The following RASGRP3 variants were observed in gnomAD, a reference collection of about 807,000 sequenced individuals.
RASGRP3 encodes ras guanyl-releasing protein 3.
A neutral mutation model predicts 82.7 loss-of-function variants in RASGRP3; 54 were observed. The observed-to-expected ratio is 0.65, with a 90% CI of 0.52 to 0.82. The LOEUF is 0.82. RASGRP3 is among the 40% of genes least tolerant of loss of function. The pLI, the probability that RASGRP3 is intolerant of heterozygous loss-of-function variation, is 0.00. For synonymous variants in RASGRP3, 309 were observed against 300.5 expected (o/e 1.03, Z -0.29); for missense variants, 861 against 828.9 (o/e 1.04, Z -0.48).
At chr2:33,557,973 T>C (rs374384011) in intron 15 of RASGRP3, among the ~76,000 whole-genome samples, 127 of 152,194 alleles carry the variant, frequency 8.3e-4, no homozygotes, top group Middle Eastern at 3.4e-3. Flanking sequence ...AGGTCCTCAA[T>C]TGCATACAGA....
intron 1 of RASGRP3, among the ~76,000 whole-genome samples, chr2:33,507,585 G>A (rs183361419): frequency 1.1e-4 from 17 of 152,334 alleles, no homozygotes; most frequent in Middle Eastern, 3.4e-3. Flanking sequence ...GAGTGCAGTA[G>A]CAGGATCTCG....
At chr2:33,527,634 C>G (rs1418756396) in intron 10 of RASGRP3, among the ~76,000 whole-genome samples, 1 of 152,174 alleles carries the variant, frequency 6.6e-6, no homozygotes, top group Non-Finnish European at 1.5e-5. Flanking sequence ...TTCGGAGGGG[C>G]CCAGTCTCTG....
intron 2 of RASGRP3, among the ~76,000 whole-genome samples, chr2:33,469,033 T>C (rs1666890071): frequency 9.5e-6 from 1 of 105,534 alleles, no homozygotes; most frequent in African/African-American, 3.0e-5. Context: ...ATTTTCGTTT[T>C]TTCATCTTTG....
Position 33,558,343 on chromosome 2 carries a change from C to T in RASGRP3, c.1705+7C>T. 6.2e-7 allele frequency: 1 copy of T among 1,612,984 alleles called. No homozygotes were observed. The highest frequency in any genetic ancestry group is 8.5e-7 in the Non-Finnish European group (1 of 1,179,876). ...AGCCCCTCGCTGCCCCCAGGTAATG[C>T]CCTCTGCTTTCTTTGCTGCCATGGT... On this transcript the variant is annotated splice_region_variant and intron_variant, in intron 16 of 17. Coordinates refer to ENST00000403687, the MANE Select transcript of RASGRP3 (RefSeq NM_001139488.2).
intron 10 of RASGRP3, chr2:33,534,098 A>G: frequency 1.9e-6 from 1 of 538,364 alleles, no homozygotes. Context: ...AATATTGCTG[A>G]GGAATTGAGT....
intron 1 of RASGRP3, among the ~76,000 whole-genome samples, chr2:33,495,188 C>T (rs1669196616): frequency 6.6e-6 from 1 of 152,144 alleles, no homozygotes; most frequent in Non-Finnish European, 1.5e-5. Context: ...GTGCAGATGT[C>T]TACAGCAGCA....
intron 1 of RASGRP3, among the ~76,000 whole-genome samples, chr2:33,492,466 C>G (rs1042145321): frequency 6.6e-6 from 1 of 152,110 alleles, no homozygotes; most frequent in Non-Finnish European, 1.5e-5. Flanking sequence ...TTTGTACCCC[C>G]CAGCATCCAT....
chr2:33,441,724 T>C (rs1665236051), intron 1 of RASGRP3, among the ~76,000 whole-genome samples: 1 of 152,282 alleles, frequency 6.6e-6, no homozygotes, highest in South Asian at 2.1e-4. Flanking sequence ...CATACGTGCC[T>C]TTTTATTAAG....
At chr2:33,453,235 G>A (rs1475288676) in intron 2 of RASGRP3, among the ~76,000 whole-genome samples, 1 of 152,202 alleles carries the variant, frequency 6.6e-6, no homozygotes, top group African/African-American at 2.4e-5. Flanking sequence ...GCTTCCAGCT[G>A]AAGACGGGCT....
intron 16 of RASGRP3, 42 bp from the exon 17 acceptor site, chr2:33,558,630 G>C: frequency 6.7e-7 from 1 of 1,496,178 alleles, no homozygotes; most frequent in Non-Finnish European, 9.1e-7. Flanking sequence ...TTGCTGTCAA[G>C]CAGTCAGATG....
intron 1 of RASGRP3, among the ~76,000 whole-genome samples, chr2:33,498,668 C>T (rs1265521127): frequency 6.6e-6 from 1 of 152,164 alleles, no homozygotes; most frequent in African/African-American, 2.4e-5. Flanking sequence ...TCTTCAGTGC[C>T]ATTTTCTCTG....
intron 1 of RASGRP3, among the ~76,000 whole-genome samples, chr2:33,439,116 T>C (rs1665083373): frequency 6.6e-6 from 1 of 152,200 alleles, no homozygotes; most frequent in African/African-American, 2.4e-5. Context: ...TCTCCTACTG[T>C]CTCATCCTGT....
intron 11 of RASGRP3, among the ~76,000 whole-genome samples, chr2:33,536,322 GAAAA>G (rs35520392): frequency 7.8e-6 from 1 of 127,754 alleles, no homozygotes; most frequent in African/African-American, 3.0e-5. Context: ...ATTTAAAAAA[GAAAA>G]AAAAAAAAAA....
intron 17 of RASGRP3, 37 bp downstream of exon 17, chr2:33,559,067 A>G (rs755136391): frequency 6.7e-7 from 1 of 1,503,610 alleles, no homozygotes; most frequent in Non-Finnish European, 8.9e-7. Flanking sequence ...AAACCAGAAG[A>G]AGGAGGCTGA....
At chr2:33,461,522 C>T (rs1180600751) in intron 2 of RASGRP3, among the ~76,000 whole-genome samples, 1 of 152,244 alleles carries the variant, frequency 6.6e-6, no homozygotes, top group Non-Finnish European at 1.5e-5. Flanking sequence ...AAGTGATCCA[C>T]CTGCCTTGGC....
chr2:33,474,242 G>A (rs1416849117), upstream of RASGRP3, among the ~76,000 whole-genome samples: 1 of 152,180 alleles, frequency 6.6e-6, no homozygotes, highest in Non-Finnish European at 1.5e-5. Context: ...GGTGGAGCCT[G>A]GTGGGAAGTG....
At position 33,540,957 on chromosome 2, in the gene RASGRP3, C is replaced by T. The variant is rs143389913; in HGVS notation, c.1278+1747C>T. On this transcript the variant is annotated intron_variant, in intron 12 of 17. Coordinates refer to ENST00000403687, the MANE Select transcript of RASGRP3 (RefSeq NM_001139488.2). ...ATTTTAGTCACATTTTTAATTAATT[C>T]ATTCATTTATACCTTACCTACTTCC... Among the ~76,000 whole-genome samples, 4 of 146,154 alleles carry T rather than the reference C, an allele frequency of 2.7e-5. 1 individual carries two copies. In the Admixed American group the frequency reaches 2.8e-4, roughly 10 times the overall value.
At chr2:33,462,110 A>G (rs1297340014) in intron 2 of RASGRP3, among the ~76,000 whole-genome samples, 15 of 152,254 alleles carry the variant, frequency 9.9e-5, no homozygotes, top group Admixed American at 9.8e-4. Flanking sequence ...TATCAAATTA[A>G]CATGGCTATT....
chr2:33,510,387 A>C (rs1670814997), intron 1 of RASGRP3, among the ~76,000 whole-genome samples: 1 of 152,208 alleles, frequency 6.6e-6, no homozygotes, highest in Non-Finnish European at 1.5e-5. Context: ...CATACTTCCT[A>C]GATACCGTCT....
Sources: gnomAD v4.1 joint callset for allele counts (sites outside exome capture counted in the v4.1 genomes callset) on GRCh38, gnomAD v4.1.1 for gene constraint, MANE v1.5 for transcripts, NCBI Gene and HGNC (gene_info 2026-07-23, HGNC 2026-07-21) for gene names.